The following POLI variants were observed in gnomAD, a reference collection of about 807,000 sequenced individuals.
POLI encodes DNA polymerase iota.
Under a neutral mutation model 51.6 loss-of-function variants are expected in POLI, and 58 were observed. The observed-to-expected ratio is 1.12, with a 90% confidence interval of 0.91 to 1.40. The LOEUF is 1.40. POLI is among the 40% of genes most tolerant of loss of function. POLI has a pLI of 0.00. For synonymous variants in POLI, 322 were observed against 299.7 expected, an observed-to-expected ratio of 1.07 and a Z score of -0.77; for missense variants, 921 against 871.3, an observed-to-expected ratio of 1.06 and a Z score of -0.72.
At chr18:54,311,391 T>TGAATTACTATTG (rs1440767728) in intron 3 of POLI, among the ~76,000 whole-genome samples, 1 of 149,544 alleles carries the variant, frequency 6.7e-6, no homozygotes, top group Non-Finnish European at 1.5e-5. Flanking sequence ...AAAGTACTAT[T>TGAATTACTATTG]GAATTACTAT....
At chr18:54,287,157 ATC>A (rs1373450890) in intron 7 of POLI, 122 bp from the exon 8 acceptor site, 14 of 583,422 alleles carry the variant, frequency 2.4e-5, no homozygotes, top group Non-Finnish European at 3.9e-5. Flanking sequence ...CTATTTTGTT[ATC>A]TGCTATATGT....
In POLI at chr18:54,279,734, C is replaced by T. The variant is rs376685597; in HGVS notation, c.560-933C>T. Among the ~76,000 whole-genome samples the T allele has an allele frequency of 1.2e-4, 18 of 152,300 alleles. No individual in the cohort carries two copies. The East Asian group carries it at 2.7e-3, about 23-fold the overall frequency. On this transcript the variant is annotated intron_variant, in intron 4 of 9. Transcript: ENST00000579534. ...TTAGGATGGTTTCATGTCATTCCAACACTGTTTTACACCTAAAGCAAATTT... is the reference window on the plus strand; with the variant it reads ...TTAGGATGGTTTCATGTCATTCCAATACTGTTTTACACCTAAAGCAAATTT...
At chr18:54,303,070 T>C (rs2088519174), downstream of POLI, among the ~76,000 whole-genome samples, 1 of 152,204 alleles carries the variant, frequency 6.6e-6, no homozygotes, top group Admixed American at 6.5e-5. Flanking sequence ...AAAGTAATGA[T>C]GTATTGCTAT....
rs765088821 is a variant in POLI at position 54,294,208 on chromosome 18, C to T, written c.1964C>T (p.Ala655Val). Residue 655 changes from alanine (A) to valine (V), a missense_variant, in exon 10 of 10, where the codon GCT (alanine) becomes GTT (valine). By Grantham distance (64) the Ala-to-Val change is moderately conservative. Transcript: ENST00000579534. The stretch of plus-strand genomic sequence containing the variant: ...ACAAATTCAAACCCTGCTGTGTCTG[C>T]TTTTCATTCATTTCCAAACTTGCAG... ...HFTNSNPAVS[A>V]FHSFPNLQSE... The T allele has an allele frequency of 1.1e-4, 179 of 1,613,416 alleles. No homozygotes were observed. Among genetic ancestry groups the T allele is most frequent in the Non-Finnish European group, 1.5e-4 (177 of 1,179,604 alleles).
At chr18:54,310,629 G>T (rs186836096) in intron 3 of POLI, among the ~76,000 whole-genome samples, 8 of 152,046 alleles carry the variant, frequency 5.3e-5, no homozygotes, top group African/African-American at 1.7e-4. Context: ...TGATATTTGG[G>T]TGTCCGCCCT....
At chr18:54,308,919 TTTTCAG>T in intron 3 of POLI, among the ~76,000 whole-genome samples, 2 of 152,240 alleles carry the variant, frequency 1.3e-5, no homozygotes, top group South Asian at 4.1e-4. Context: ...TGTGCCATGG[TTTTCAG>T]CTCCTTCAGG....
At chr18:54,287,956 C>G (rs1407852431) in intron 8 of POLI, among the ~76,000 whole-genome samples, 5 of 152,128 alleles carry the variant, frequency 3.3e-5, no homozygotes, top group African/African-American at 4.8e-5. Flanking sequence ...GAGATAACTT[C>G]TTTATGGGCA....
intron 3 of POLI, among the ~76,000 whole-genome samples, chr18:54,275,733 A>G (rs1206602012): frequency 6.6e-6 from 1 of 152,094 alleles, no homozygotes; most frequent in Non-Finnish European, 1.5e-5. Flanking sequence ...TTTTTCTGTT[A>G]ACGTATTCAC....
In POLI at chr18:54,291,883, C is replaced by T. The variant is rs56152401; in HGVS notation, c.1249C>T (p.Arg417Ter). Residue 417 changes from arginine (R) to a stop codon, truncating the protein, a stop_gained, in exon 9 of 10, where the codon CGA becomes TGA. Transcript: ENST00000579534. LOFTEE classifies it high-confidence loss of function. ...GGTTGATATACTTATGAAACTTTTTCGAAATATGGTGAATGTGAAGATGCC... is the reference window on the plus strand; with the variant it reads ...GGTTGATATACTTATGAAACTTTTTTGAAATATGGTGAATGTGAAGATGCC... ...PMVDILMKLF[R>*]NMVNVKMPFH... The T allele has an allele frequency of 1.6e-5, 25 of 1,608,046 alleles. No individual in the cohort carries two copies. Among genetic ancestry groups the T allele is most frequent in the Middle Eastern group, 1.7e-4 (1 of 5,788 alleles).
Position 54,292,039 on chromosome 18 carries a change from G to C in POLI, c.1404+1G>C, listed in dbSNP as rs974401549. The C allele has an allele frequency of 1.9e-6, 3 of 1,575,824 alleles. No homozygotes were observed. The highest frequency in any genetic ancestry group is 1.7e-6 in the Non-Finnish European group (2 of 1,150,116). On this transcript the variant is annotated splice_donor_variant, in intron 9 of 9. Transcript: ENST00000579534. LOFTEE classifies it high-confidence loss of function. ...TTCACGCTCTGGCAAGCACAGTTTT[G>C]TAAGTACACTCTTTTTTGTTCAGTT... is the stretch of plus-strand genomic sequence containing the variant.
At chr18:54,282,598 A>G (rs1220553828) in intron 5 of POLI, among the ~76,000 whole-genome samples, 2 of 152,088 alleles carry the variant, frequency 1.3e-5, no homozygotes, top group Non-Finnish European at 2.9e-5. Context: ...TTTATAAATT[A>G]AACTTTATCA....
At chr18:54,269,761 C>A in intron 1 of POLI, 100 bp downstream of exon 1, 1 of 1,395,936 alleles carries the variant, frequency 7.2e-7, no homozygotes, top group Non-Finnish European at 9.2e-7. Context: ...CGCGACCGTC[C>A]CCGCCCCACT....
At chr18:54,290,833 G>A (rs1007375564) in intron 8 of POLI, among the ~76,000 whole-genome samples, 2 of 152,136 alleles carry the variant, frequency 1.3e-5, no homozygotes, top group Non-Finnish European at 2.9e-5. Context: ...CTATCTGGAT[G>A]GAGGGCTGAG....
At chr18:54,302,201 A>G (rs1322824345), downstream of POLI, among the ~76,000 whole-genome samples, 2 of 152,164 alleles carry the variant, frequency 1.3e-5, no homozygotes, top group African/African-American at 2.4e-5. Flanking sequence ...TACTTAGATT[A>G]TGAATGTCTG....
intron 8 of POLI, 88 bp downstream of exon 8, chr18:54,287,499 G>C: frequency 1.1e-6 from 1 of 939,142 alleles, no homozygotes; most frequent in Non-Finnish European, 1.7e-6. Context: ...CAAAAATGGA[G>C]GGTCTTCACA....
intron 3 of POLI, among the ~76,000 whole-genome samples, chr18:54,310,483 C>T (rs2088655837): frequency 2.0e-5 from 1 of 50,656 alleles, no homozygotes; most frequent in Non-Finnish European, 3.5e-5. Flanking sequence ...GTATTACCTA[C>T]TATTTTTTTT....
chr18:54,294,865 C>G lies in POLI; in HGVS notation c.*398C>G, dbSNP rs1245958823. The G allele has an allele frequency of 2.0e-5, 20 of 981,148 alleles. No homozygotes were observed. The highest frequency in any genetic ancestry group is 1.1e-4 in the East Asian group (1 of 8,768). 60.8% of individuals were successfully genotyped at this position (981,148 alleles called of 1,614,324 possible). On this transcript the variant is annotated 3_prime_UTR_variant, in exon 10 of 10. Coordinates refer to ENST00000579534, the MANE Select transcript of POLI (RefSeq NM_007195.3). ...ATGTGGAATATCTCAAATTCAGCCT[C>G]TTAGGCTGAATAGCAAATCCTACTG...
At chr18:54,284,066 G>A in intron 7 of POLI, 53 bp downstream of exon 7, 3 of 606,118 alleles carry the variant, frequency 4.9e-6, no homozygotes, top group Non-Finnish European at 8.8e-6. Context: ...TCTATATACG[G>A]TATGTGGAAA....
chr18:54,293,780 A>G lies in POLI; in HGVS notation c.1536A>G (p.Glu512=). Residue 512 remains glutamate (E), a synonymous_variant, in exon 10 of 10, where the codon GAA becomes GAG. Coordinates refer to ENST00000579534, the MANE Select transcript of POLI (RefSeq NM_007195.3). ...SPLDTTNFSK[E]KDINEFPLCS... Reference sequence around the variant, plus strand: ...TAGATACCACAAATTTTTCTAAAGAAAAAGACATTAATGAATTCCCACTCT... The same window carrying G: ...TAGATACCACAAATTTTTCTAAAGAGAAAGACATTAATGAATTCCCACTCT... 6.2e-7 allele frequency: 1 copy of G among 1,605,900 alleles called. No homozygotes were observed. The highest frequency in any genetic ancestry group is 8.5e-7 in the Non-Finnish European group (1 of 1,175,530).
Sources: allele counts gnomAD v4.1 joint callset (sites outside exome capture counted in the v4.1 genomes callset), GRCh38; gene constraint gnomAD v4.1.1; transcripts MANE v1.5; gene names NCBI Gene and HGNC (gene_info 2026-07-23, HGNC 2026-07-21).